The following WDR64 variants were observed in gnomAD, a reference collection of about 807,000 sequenced individuals.
The protein encoded by WDR64 is WD repeat-containing protein 64.
A neutral mutation model predicts 139.3 loss-of-function variants in WDR64; 112 were observed. That is an observed-to-expected ratio of 0.80 (90% CI 0.69 to 0.94). The LOEUF is 0.94. WDR64 is among the 40% of genes least tolerant of loss of function. The pLI is 0.00. For missense variants in WDR64, 1,206 were observed against 1,293.1 expected (o/e 0.93, Z 1.03); for synonymous variants, 444 against 437.7 (o/e 1.01, Z -0.18).
At chr1:241,668,809 A>G (rs1316941164) in intron 2 of WDR64, among the ~76,000 whole-genome samples, 1 of 151,918 alleles carries the variant, frequency 6.6e-6, no homozygotes, top group African/African-American at 2.4e-5. Context: ...CTCGGGCAGG[A>G]GAATTGCTTG....
intron 8 of WDR64, among the ~76,000 whole-genome samples, chr1:241,709,724 T>A (rs1228859797): frequency 6.6e-6 from 1 of 152,220 alleles, no homozygotes; most frequent in Non-Finnish European, 1.5e-5. Flanking sequence ...AACTGCAGTA[T>A]CTTTCAAAAT....
chr1:241,675,157 TC>T (rs1463952558), intron 4 of WDR64, among the ~76,000 whole-genome samples: 1 of 52,822 alleles, frequency 1.9e-5, no homozygotes, highest in Non-Finnish European at 3.5e-5. Context: ...CCTTCCTTCT[TC>T]CCTACCTCCC....
At chr1:241,664,126 T>G (rs1410396079) in intron 2 of WDR64, among the ~76,000 whole-genome samples, 1 of 152,258 alleles carries the variant, frequency 6.6e-6, no homozygotes, top group Non-Finnish European at 1.5e-5. Flanking sequence ...ATGCATTGTT[T>G]TGTTTTTTGT....
intron 9 of WDR64, among the ~76,000 whole-genome samples, chr1:241,719,310 A>G (rs1668516934): frequency 6.6e-6 from 1 of 152,204 alleles, no homozygotes; most frequent in Non-Finnish European, 1.5e-5. Flanking sequence ...TATAGATTAT[A>G]TGTGACAGTA....
intron 3 of WDR64, among the ~76,000 whole-genome samples, chr1:241,673,421 C>CT (rs112038890): frequency 1.5e-3 from 228 of 151,478 alleles, no homozygotes; most frequent in African/African-American, 4.9e-3. Context: ...GTTTCTCCAT[C>CT]TTTTTTTTTA....
At chr1:241,759,176 A>G (rs1375741271) in intron 15 of WDR64, among the ~76,000 whole-genome samples, 1 of 152,126 alleles carries the variant, frequency 6.6e-6, no homozygotes, top group African/African-American at 2.4e-5. Flanking sequence ...AAACAATAAA[A>G]TTACTAGGAA....
intron 8 of WDR64, among the ~76,000 whole-genome samples, chr1:241,700,351 A>C (rs1667664278): frequency 6.6e-6 from 1 of 151,560 alleles, no homozygotes; most frequent in African/African-American, 2.4e-5. Flanking sequence ...TTCTCTTCTA[A>C]AGTAGTATTG....
At chr1:241,696,175 C>A (rs1226110716) in intron 8 of WDR64, among the ~76,000 whole-genome samples, 1 of 124,488 alleles carries the variant, frequency 8.0e-6, no homozygotes, top group African/African-American at 3.1e-5. Context: ...AAGACCCTAA[C>A]TTACAGCACC....
chr1:241,739,619 G>C (rs1350034807), intron 11 of WDR64, among the ~76,000 whole-genome samples: 3 of 152,134 alleles, frequency 2.0e-5, no homozygotes, highest in East Asian at 3.8e-4. Flanking sequence ...TTGCATATTT[G>C]ATTACTAGGC....
chr1:241,674,780 T>A, intron 4 of WDR64, 33 bp downstream of exon 4: 2 of 1,308,040 alleles, frequency 1.5e-6, no homozygotes, highest in Non-Finnish European at 2.1e-6. Context: ...ACTGAATGAC[T>A]CATTTTACAA....
chr1:241,792,484 T>C (rs926147159), intron 25 of WDR64, among the ~76,000 whole-genome samples: 3 of 152,038 alleles, frequency 2.0e-5, no homozygotes. Context: ...TGCAGTAAGC[T>C]GAGATCGTGC....
Position 241,668,848 on chromosome 1 carries a change from C to T in WDR64, c.277-2226C>T, listed in dbSNP as rs570327482. On this transcript the variant is annotated intron_variant, in intron 2 of 27. Transcript: ENST00000437684. ...ACAGGAGGCGGAGGTTGCAGTGAGTCGAGATCACACCACTGCACTCCAGCC... is the reference window on the plus strand; with the variant it reads ...ACAGGAGGCGGAGGTTGCAGTGAGTTGAGATCACACCACTGCACTCCAGCC... Among the ~76,000 whole-genome samples the T allele has an allele frequency of 2.1e-3, 317 of 151,318 alleles. 1 individual carries two copies. Among genetic ancestry groups the T allele is most frequent in the African/African-American group, 7.3e-3 (301 of 41,208 alleles).
intron 23 of WDR64, 46 bp from the exon 24 acceptor site, chr1:241,787,803 C>A (rs751691257): frequency 2.0e-6 from 3 of 1,509,616 alleles, no homozygotes; most frequent in East Asian, 4.7e-5. Context: ...TAACTTTGAC[C>A]AAATTTTCCA....
At chr1:241,725,096 C>G (rs73141042) in intron 10 of WDR64, among the ~76,000 whole-genome samples, 8,348 of 151,930 alleles carry the variant, frequency 0.055, 806 homozygotes, top group African/African-American at 0.19. Flanking sequence ...GAACAAATAC[C>G]AAAAATCTTT....
At chr1:241,730,973 G>GTATATC (rs1316846207) in intron 10 of WDR64, among the ~76,000 whole-genome samples, 1 of 152,036 alleles carries the variant, frequency 6.6e-6, no homozygotes, top group East Asian at 1.9e-4. Context: ...GGTTGATCTG[G>GTATATC]TATATCTCTC....
chr1:241,768,787 G>A lies in WDR64; in HGVS notation c.2082-617G>A, dbSNP rs140317782. Among the ~76,000 whole-genome samples the A allele has an allele frequency of 3.7e-3, 562 of 152,252 alleles. 3 individuals carry two copies. The highest frequency in any genetic ancestry group is 0.013 in the African/African-American group (535 of 41,532). ...GGGACTATTCCCCTGTTCCTAGGAT[G>A]GTGCCTACAAAGTTCAGTGTTGACC... On this transcript the variant is annotated intron_variant, in intron 16 of 27. Coordinates refer to ENST00000437684, the MANE Select transcript of WDR64 (RefSeq NM_001367482.1).
In WDR64 at chr1:241,652,507, G is replaced by A. The variant is rs749363554; in HGVS notation, c.23G>A (p.Arg8His). 363 of 1,552,106 alleles carry A rather than the reference G, an allele frequency of 2.3e-4. No homozygotes were observed. Among genetic ancestry groups the A allele is most frequent in the Admixed American group, 8.2e-4 (42 of 50,986 alleles). Residue 8 changes from arginine to histidine, a missense_variant, in exon 1 of 28, where the codon CGT becomes CAT. By Grantham distance (29) the Arg-to-His change is conservative. Transcript: ENST00000437684. ...CCTATGGATATCAGGAAGGAAAAGC[G>A]TCTCAACATGGCACTTCAGATGAGC... MDIRKEK[R>H]LNMALQMSNF... is the part of the protein sequence containing the mutation.
chr1:241,783,396 C>A lies in WDR64; in HGVS notation c.2705+15C>A. ...GGCTCAGTAAGGTAGGCCAAGATGG[C>A]ATCATACTGTGAATTCAGTACTGTG... On this transcript the variant is annotated intron_variant, in intron 23 of 27. Coordinates refer to ENST00000437684, the MANE Select transcript of WDR64 (RefSeq NM_001367482.1). The A allele has an allele frequency of 5.7e-6, 9 of 1,581,242 alleles. No homozygotes were observed. Among genetic ancestry groups the A allele is most frequent in the Non-Finnish European group, 7.8e-6 (9 of 1,152,148 alleles).
At chr1:241,734,450 A>G (rs1245485613) in intron 10 of WDR64, among the ~76,000 whole-genome samples, 1 of 152,194 alleles carries the variant, frequency 6.6e-6, no homozygotes, top group African/African-American at 2.4e-5. Flanking sequence ...CCCCAAAGCA[A>G]CTAATATATT....
Sources: gnomAD v4.1 joint callset for allele counts (sites outside exome capture counted in the v4.1 genomes callset) on GRCh38, gnomAD v4.1.1 for gene constraint, MANE v1.5 for transcripts, NCBI Gene and HGNC (gene_info 2026-07-23, HGNC 2026-07-21) for gene names.